Variants in RBFOX1 observed in about 807,000 individuals in gnomAD.
The protein encoded by RBFOX1 is RNA binding protein fox-1 homolog 1.
Under a neutral mutation model 57.7 loss-of-function variants are expected in RBFOX1, and 8 were observed. The ratio of observed to expected loss-of-function variants is 0.14; its 90% CI spans 0.08 to 0.25. The LOEUF (loss-of-function observed/expected upper bound fraction) is 0.25, where lower values mean the gene tolerates loss of function less well. Ranked by LOEUF, RBFOX1 falls within the 10% of genes least tolerant of loss-of-function variation. RBFOX1 has a pLI of 1.00. For missense variants in RBFOX1, 611 were observed against 548.5 expected (o/e 1.11, Z -1.14); for synonymous variants, 326 against 222.4 (o/e 1.47, Z -4.15).
intron 4 of RBFOX1, among the ~76,000 whole-genome samples, chr16:6,006,183 C>G (rs113090708): frequency 1.3e-5 from 2 of 152,166 alleles, no homozygotes; most frequent in Non-Finnish European, 2.9e-5. Context: ...CGGTTTCCTA[C>G]GGGGAAATCA....
intron 12 of RBFOX1, among the ~76,000 whole-genome samples, chr16:7,663,525 G>T (rs1232336845): frequency 6.6e-6 from 1 of 151,310 alleles, no homozygotes; most frequent in Non-Finnish European, 1.5e-5. Flanking sequence ...GTGTGTGTGT[G>T]TGTGTGTTGT....
Position 6,199,897 on chromosome 16 carries a change from G to A in RBFOX1, c.-126-117098G>A, listed in dbSNP as rs961775905. 2.6e-5 allele frequency among the ~76,000 whole-genome samples: 4 copies of A among 152,178 alleles called. No individual in the cohort carries two copies. In the East Asian group the frequency reaches 5.8e-4, roughly 22 times the overall value. On this transcript the variant is annotated intron_variant, in intron 1 of 15. Transcript: ENST00000550418. The stretch of plus-strand genomic sequence containing the variant: ...TGAAGACTAGAAGAAAAACACATAA[G>A]TTATGTCCTGGACTGTGCGAACACT...
At chr16:6,506,929 T>G (rs940191967) in intron 2 of RBFOX1, among the ~76,000 whole-genome samples, 2 of 152,198 alleles carry the variant, frequency 1.3e-5, no homozygotes, top group Non-Finnish European at 2.9e-5. Flanking sequence ...GTTACAGTCA[T>G]GAGCCACCGT....
intron 4 of RBFOX1, among the ~76,000 whole-genome samples, chr16:7,138,729 C>T (rs965274132): frequency 6.6e-6 from 1 of 152,136 alleles, no homozygotes; most frequent in African/African-American, 2.4e-5. Flanking sequence ...TTTCTGCAGG[C>T]CGTATGCTTG....
intron 4 of RBFOX1, among the ~76,000 whole-genome samples, chr16:7,352,756 C>G (rs1247018809): frequency 6.6e-6 from 1 of 152,092 alleles, no homozygotes; most frequent in Non-Finnish European, 1.5e-5. Context: ...CACTCTGTCA[C>G]CAAAGCTGGA....
At chr16:5,609,108 T>G (rs1026332333) in intron 3 of RBFOX1, among the ~76,000 whole-genome samples, 1 of 152,142 alleles carries the variant, frequency 6.6e-6, no homozygotes, top group Non-Finnish European at 1.5e-5. Flanking sequence ...CAGTAATGAT[T>G]TTGCTAAGAA....
chr16:6,203,533 G>C (rs372467413), intron 1 of RBFOX1, among the ~76,000 whole-genome samples: 1 of 152,004 alleles, frequency 6.6e-6, no homozygotes, highest in African/African-American at 2.4e-5. Context: ...TGTGAATAGC[G>C]GTGCAATGAA....
chr16:7,264,838 G>T (rs1434459149), intron 4 of RBFOX1, among the ~76,000 whole-genome samples: 1 of 152,192 alleles, frequency 6.6e-6, no homozygotes, highest in Non-Finnish European at 1.5e-5. Context: ...AGGGTAAAAA[G>T]TTGATGAGAA....
intron 3 of RBFOX1, among the ~76,000 whole-genome samples, chr16:6,944,086 A>C (rs973951358): frequency 6.6e-6 from 1 of 152,120 alleles, no homozygotes; most frequent in African/African-American, 2.4e-5. Context: ...GCTCAGGCCC[A>C]GGCTAGACTC....
intron 4 of RBFOX1, among the ~76,000 whole-genome samples, chr16:7,266,677 G>T (rs2095155525): frequency 6.6e-6 from 1 of 152,054 alleles, no homozygotes; most frequent in Non-Finnish European, 1.5e-5. Context: ...AAATAATGAG[G>T]TTTCTGTGTT....
chr16:6,213,764 C>G (rs766541910), intron 1 of RBFOX1, among the ~76,000 whole-genome samples: 1 of 152,174 alleles, frequency 6.6e-6, no homozygotes, highest in Non-Finnish European at 1.5e-5. Flanking sequence ...GTCTACTGAG[C>G]GAAAGCGCAT....
At chr16:6,484,145 G>A (rs1355332925) in intron 2 of RBFOX1, among the ~76,000 whole-genome samples, 2 of 152,168 alleles carry the variant, frequency 1.3e-5, no homozygotes, top group Non-Finnish European at 2.9e-5. Flanking sequence ...ATGAATAAGC[G>A]TTTATTAAGA....
rs183350072 is a variant in RBFOX1 at position 6,136,191 on chromosome 16, G to C, written c.-127+116199G>C. The stretch of plus-strand genomic sequence containing the variant: ...ATTAGAGGAAGTCTTCTGAAAGTAA[G>C]ACCTGGAGATTCGGAGGCGATGTGT... On this transcript the variant is annotated intron_variant, in intron 1 of 15. Coordinates refer to ENST00000550418, the MANE Select transcript of RBFOX1 (RefSeq NM_018723.4). Among the ~76,000 whole-genome samples the C allele has an allele frequency of 4.6e-3, 702 of 152,222 alleles. 3 individuals carry two copies. Among genetic ancestry groups the C allele is most frequent in the Non-Finnish European group, 5.6e-3 (383 of 68,012 alleles).
At chr16:6,363,770 A>G (rs1223076302) in intron 2 of RBFOX1, among the ~76,000 whole-genome samples, 3 of 152,242 alleles carry the variant, frequency 2.0e-5, no homozygotes, top group Admixed American at 2.0e-4. Context: ...CCAGTGACAG[A>G]ACTAATAATT....
intron 13 of RBFOX1, among the ~76,000 whole-genome samples, chr16:7,675,324 G>A (rs937793065): frequency 2.0e-5 from 3 of 151,616 alleles, no homozygotes; most frequent in African/African-American, 7.3e-5. Flanking sequence ...CCTAATTGGA[G>A]AACATAGTAT....
intron 4 of RBFOX1, among the ~76,000 whole-genome samples, chr16:7,052,918 C>A (rs1457073621): frequency 1.3e-5 from 2 of 152,112 alleles, no homozygotes; most frequent in African/African-American, 2.4e-5. Context: ...GGACAATGTG[C>A]CTTATAGCCA....
intron 3 of RBFOX1, among the ~76,000 whole-genome samples, chr16:7,022,904 G>A (rs942103113): frequency 3.9e-5 from 6 of 152,156 alleles, no homozygotes; most frequent in South Asian, 2.1e-4. Flanking sequence ...ACTAGGGCTT[G>A]CACCCCATTG....
rs1306653308 is a variant in RBFOX1, at chr16:6,896,296, C to A, written c.-15-155761C>A. Reference sequence around the variant, plus strand: ...ATAAAACAGTTTATCCTTTTTGGTACTAACAATCCAAGTACACTCTTTTAG... The same window carrying A: ...ATAAAACAGTTTATCCTTTTTGGTAATAACAATCCAAGTACACTCTTTTAG... On this transcript the variant is annotated intron_variant, in intron 3 of 15. Transcript: ENST00000550418. Among the ~76,000 whole-genome samples, 5 of 152,152 alleles carry A rather than the reference C, an allele frequency of 3.3e-5. No individual in the cohort carries two copies. In the East Asian group the frequency reaches 9.6e-4, roughly 29 times the overall value.
At chr16:7,672,726 G>T (rs1189675525) in intron 13 of RBFOX1, among the ~76,000 whole-genome samples, 2 of 151,724 alleles carry the variant, frequency 1.3e-5, no homozygotes, top group East Asian at 3.9e-4. Flanking sequence ...AGTTAGCCAG[G>T]CGTGGTGGCA....
Sources: gnomAD v4.1 joint callset for allele counts (sites outside exome capture counted in the v4.1 genomes callset) on GRCh38, gnomAD v4.1.1 for gene constraint, MANE v1.5 for transcripts, NCBI Gene and HGNC (gene_info 2026-07-23, HGNC 2026-07-21) for gene names.